The following LYRM4 variants were observed in gnomAD, a reference collection of about 807,000 sequenced individuals.
LYRM4 encodes LYR motif containing 4, also known as LYR motif-containing protein 4.
In LYRM4, 9 loss-of-function variants were observed where a neutral mutation model predicts 11.7. That is an observed-to-expected ratio of 0.77 (90% CI 0.46 to 1.34). The LOEUF (loss-of-function observed/expected upper bound fraction) is 1.34. Among genes scored for constraint, LYRM4 ranks in the 40% most tolerant of loss-of-function variants. The pLI, the probability that LYRM4 is intolerant of heterozygous loss-of-function variation, is 0.00. For missense variants in LYRM4, 133 were observed against 112.5 expected, an observed-to-expected ratio of 1.18 and a Z score of -0.82; for synonymous variants, 42 against 40.4, an observed-to-expected ratio of 1.04 and a Z score of -0.15.
the LYRM4 span, among the ~76,000 whole-genome samples, chr6:5,098,196 G>C: frequency 6.6e-6 from 1 of 152,108 alleles, no homozygotes; most frequent in South Asian, 2.1e-4. Flanking sequence ...ATCCTGCTCC[G>C]TTCCGAACCC....
chr6:5,162,955 C>G (rs541061291), intron 2 of LYRM4, among the ~76,000 whole-genome samples: 30 of 151,988 alleles, frequency 2.0e-4, no homozygotes, highest in Non-Finnish European at 4.0e-4. Flanking sequence ...TGGTTTTCAG[C>G]CTTAAAAAAA....
At chr6:5,179,755 G>A (rs1759963575) in intron 2 of LYRM4, among the ~76,000 whole-genome samples, 1 of 152,204 alleles carries the variant, frequency 6.6e-6, no homozygotes, top group African/African-American at 2.4e-5. Flanking sequence ...TCAAGACCCT[G>A]CTTTCATTTC....
At chr6:5,185,577 A>C (rs1382494385) in intron 2 of LYRM4, among the ~76,000 whole-genome samples, 1 of 152,120 alleles carries the variant, frequency 6.6e-6, no homozygotes, top group Non-Finnish European at 1.5e-5. Flanking sequence ...ATCTAATCTA[A>C]TATCTAGTCT....
intron 2 of LYRM4, among the ~76,000 whole-genome samples, chr6:5,130,876 AG>A (rs1309092965): frequency 3.3e-5 from 5 of 152,208 alleles, no homozygotes; most frequent in African/African-American, 1.2e-4. Context: ...AGAGATAAAC[AG>A]GGAATGAATA....
intron 2 of LYRM4, among the ~76,000 whole-genome samples, chr6:5,119,976 C>A (rs1439795722): frequency 6.6e-6 from 1 of 151,576 alleles, no homozygotes; most frequent in African/African-American, 2.4e-5. Flanking sequence ...CTCACTGCAA[C>A]CTCTGCCTCC....
the LYRM4 span, among the ~76,000 whole-genome samples, chr6:5,036,971 C>T: frequency 1.3e-5 from 2 of 151,478 alleles, no homozygotes; most frequent in Non-Finnish European, 2.9e-5. Context: ...AAGCACATCA[C>T]TGCCCCAGTA....
intron 2 of LYRM4, among the ~76,000 whole-genome samples, chr6:5,212,069 T>C (rs971191753): frequency 6.6e-6 from 1 of 152,232 alleles, no homozygotes; most frequent in Non-Finnish European, 1.5e-5. Flanking sequence ...TAAATCTCTA[T>C]GAACTACACA....
chr6:5,137,966 C>G (rs559865403), intron 2 of LYRM4, among the ~76,000 whole-genome samples: 1 of 152,288 alleles, frequency 6.6e-6, no homozygotes, highest in East Asian at 1.9e-4. Flanking sequence ...CTGTGTTACT[C>G]AGAGGCCTGA....
At position 5,205,277 on chromosome 6, in the gene LYRM4, G is replaced by C. The variant is rs537232364; in HGVS notation, c.207+11341C>G. ...TTCCCTAGGGGAGGAGGTGAATGCAGACACAAGTGCACTGGGTGTGCTGTG... is the reference window on the plus strand; with the variant it reads ...TTCCCTAGGGGAGGAGGTGAATGCACACACAAGTGCACTGGGTGTGCTGTG... On this transcript the variant is annotated intron_variant, in intron 2 of 2. Transcript: ENST00000330636. Among the ~76,000 whole-genome samples the C allele has an allele frequency of 1.3e-4, 20 of 150,874 alleles. 1 individual carries two copies. Among genetic ancestry groups the C allele is most frequent in the African/African-American group, 4.7e-4 (19 of 40,520 alleles).
chr6:5,193,512 T>C (rs115577915), intron 2 of LYRM4, among the ~76,000 whole-genome samples: 1,849 of 152,306 alleles, frequency 0.012, 36 homozygotes, highest in African/African-American at 0.042. Context: ...CTGTGTGTTG[T>C]GTTTCTGTCT....
chr6:5,108,392 T>C (rs566048391), downstream of LYRM4: 24 of 937,664 alleles, frequency 2.6e-5, no homozygotes, highest in African/African-American at 3.0e-4. Flanking sequence ...GTTCTTTCTA[T>C]GTTTGGAATG....
At chr6:5,075,530 C>T in the LYRM4 span, among the ~76,000 whole-genome samples, 1 of 152,134 alleles carries the variant, frequency 6.6e-6, no homozygotes, top group Non-Finnish European at 1.5e-5. Context: ...CACCAGAGGA[C>T]TGCAGGTGGG....
intron 2 of LYRM4, among the ~76,000 whole-genome samples, chr6:5,118,094 A>ATATATATTTTT: frequency 0.015 from 1,257 of 86,058 alleles, 26 homozygotes; most frequent in African/African-American, 0.041. Context: ...ATATATATAT[A>ATATATATTTTT]TTTTTGTTTT....
chr6:5,215,261 G>A (rs13219584), intron 2 of LYRM4, among the ~76,000 whole-genome samples: 7,460 of 152,222 alleles, frequency 0.049, 598 homozygotes, highest in African/African-American at 0.16. Context: ...TTTATGCAAA[G>A]TAAGAACTCA....
the LYRM4 span, among the ~76,000 whole-genome samples, chr6:5,095,325 C>G: frequency 6.6e-6 from 1 of 152,116 alleles, no homozygotes; most frequent in East Asian, 1.9e-4. Flanking sequence ...AAGCAAAGAA[C>G]TATTCATGAG....
chr6:5,258,333 T>C (rs2127785370), intron 1 of LYRM4, among the ~76,000 whole-genome samples: 1 of 152,408 alleles, frequency 6.6e-6, no homozygotes, highest in Middle Eastern at 3.4e-3. Context: ...TGATTGCTTA[T>C]TCAGCACTAC....
chr6:5,205,136 C>A (rs1284755561), intron 2 of LYRM4, among the ~76,000 whole-genome samples: 1 of 152,182 alleles, frequency 6.6e-6, no homozygotes, highest in Non-Finnish European at 1.5e-5. Context: ...TATTAAAATG[C>A]CATTCTAAAA....
At chr6:5,053,669 TG>T in the LYRM4 span, among the ~76,000 whole-genome samples, 2 of 151,838 alleles carry the variant, frequency 1.3e-5, no homozygotes, top group Non-Finnish European at 2.9e-5. Context: ...GAAAAGAAAT[TG>T]GACATTAAAA....
downstream of LYRM4, among the ~76,000 whole-genome samples, chr6:5,101,968 CTT>C (rs397826404): frequency 3.7e-4 from 25 of 67,974 alleles, 3 homozygotes; most frequent in Admixed American, 1.4e-3. Flanking sequence ...CTAATGCTTT[CTT>C]TTTTTTTTTT....
Sources: gnomAD v4.1 joint callset for allele counts (sites outside exome capture counted in the v4.1 genomes callset) on GRCh38, gnomAD v4.1.1 for gene constraint, MANE v1.5 for transcripts, NCBI Gene and HGNC (gene_info 2026-07-23, HGNC 2026-07-21) for gene names.